The following TXNDC11 variants were observed in gnomAD, a reference collection of about 807,000 sequenced individuals.
TXNDC11 encodes thioredoxin domain-containing protein 11.
A neutral mutation model predicts 78.0 loss-of-function variants in TXNDC11; 68 were observed. The observed-to-expected ratio is 0.87, with a 90% CI of 0.72 to 1.07. The LOEUF is 1.07. Ranked by LOEUF, TXNDC11 falls within the 50% of genes least tolerant of loss-of-function variation. The pLI, the probability that TXNDC11 is intolerant of heterozygous loss-of-function variation, is 0.00. For synonymous variants in TXNDC11, 571 were observed against 495.2 expected (o/e 1.15, Z -2.03); for missense variants, 1,389 against 1,221.8 (o/e 1.14, Z -2.04).
Position 11,691,949 on chromosome 16 carries a change from T to A in TXNDC11, c.1241A>T (p.Asp414Val). Residue 414 changes from aspartate (D) to valine (V), a missense_variant, in exon 8 of 12, where the codon GAC (aspartate) becomes GTC (valine). Physicochemically the swap from Asp to Val is radical, Grantham distance 152. Transcript: ENST00000283033. ...GGGGGACGCTGTGATCGTTGGCGGG[T>A]CTGGCAGCTGTGCCGGCACTTCCAG... ...LALEVPAQLP[D>V]PPTITASPCC... 1 of 1,611,298 alleles carries A rather than the reference T, an allele frequency of 6.2e-7. No individual in the cohort carries two copies. Among genetic ancestry groups the A allele is most frequent in the South Asian group, 1.1e-5 (1 of 90,944 alleles).
intron 7 of TXNDC11, among the ~76,000 whole-genome samples, chr16:11,693,796 T>C (rs909859372): frequency 2.3e-4 from 35 of 152,132 alleles, no homozygotes; most frequent in Non-Finnish European, 8.8e-5. Flanking sequence ...ACTAACAAGG[T>C]CAAGCCTATA....
At chr16:11,728,994 A>G in intron 4 of TXNDC11, among the ~76,000 whole-genome samples, 1 of 151,410 alleles carries the variant, frequency 6.6e-6, no homozygotes, top group Non-Finnish European at 1.5e-5. Flanking sequence ...GAGTGAGACC[A>G]TCTCTAAATC....
intron 5 of TXNDC11, among the ~76,000 whole-genome samples, chr16:11,709,600 A>G (rs980653007): frequency 6.6e-6 from 1 of 151,164 alleles, no homozygotes; most frequent in Non-Finnish European, 1.5e-5. Context: ...ATGCCCGGCT[A>G]ATTTTTTTGT....
At chr16:11,697,002 C>A (rs1395287502) in intron 7 of TXNDC11, among the ~76,000 whole-genome samples, 1 of 152,160 alleles carries the variant, frequency 6.6e-6, no homozygotes, top group African/African-American at 2.4e-5. Flanking sequence ...ATATTAGATA[C>A]AGTAAAGGCC....
At chr16:11,709,432 T>A (rs970586363) in intron 5 of TXNDC11, among the ~76,000 whole-genome samples, 2 of 105,690 alleles carry the variant, frequency 1.9e-5, no homozygotes, top group South Asian at 4.4e-4. Flanking sequence ...TATTTTTTTT[T>A]TTTTTTTTTT....
At chr16:11,695,569 T>C (rs1486278276) in intron 7 of TXNDC11, among the ~76,000 whole-genome samples, 1 of 152,224 alleles carries the variant, frequency 6.6e-6, no homozygotes, top group Non-Finnish European at 1.5e-5. Context: ...GGCTTCTTCA[T>C]CTCTAGTCAC....
intron 8 of TXNDC11, chr16:11,691,074 C>G (rs1182619587): frequency 1.1e-5 from 6 of 562,198 alleles, no homozygotes; most frequent in Non-Finnish European, 1.9e-5. Flanking sequence ...AAATGACAAA[C>G]TTATCCAAAA....
At chr16:11,694,718 G>A (rs2050814303) in intron 7 of TXNDC11, among the ~76,000 whole-genome samples, 2 of 152,078 alleles carry the variant, frequency 1.3e-5, no homozygotes, top group South Asian at 2.1e-4. Context: ...CTCCCAAAGT[G>A]CTGGGATTAC....
chr16:11,711,238 G>A (rs995401897), intron 5 of TXNDC11, among the ~76,000 whole-genome samples: 1 of 152,202 alleles, frequency 6.6e-6, no homozygotes, highest in Non-Finnish European at 1.5e-5. Context: ...AGGGTGGAGT[G>A]AGTGAGCTCT....
intron 6 of TXNDC11, among the ~76,000 whole-genome samples, chr16:11,699,922 C>G (rs759154586): frequency 1.3e-5 from 2 of 152,212 alleles, no homozygotes; most frequent in Non-Finnish European, 2.9e-5. Flanking sequence ...GGCTGCTCCA[C>G]AGAAAGCAAA....
chr16:11,693,119 C>T (rs1237018372), intron 7 of TXNDC11, among the ~76,000 whole-genome samples: 3 of 152,180 alleles, frequency 2.0e-5, no homozygotes, highest in African/African-American at 7.2e-5. Context: ...ATCCTGCCAT[C>T]CCCGGGGCCT....
At chr16:11,729,139 AC>A (rs776166619) in intron 4 of TXNDC11, among the ~76,000 whole-genome samples, 17 of 152,150 alleles carry the variant, frequency 1.1e-4, no homozygotes, top group Admixed American at 6.5e-4. Flanking sequence ...GTCAAAACCC[AC>A]TTACCACAAC....
chr16:11,715,872 C>T (rs2051513370), intron 5 of TXNDC11, among the ~76,000 whole-genome samples: 1 of 152,094 alleles, frequency 6.6e-6, no homozygotes, highest in African/African-American at 2.4e-5. Flanking sequence ...GATTTTTTCA[C>T]TAGAATAGGT....
chr16:11,698,818 C>T (rs918277213), intron 6 of TXNDC11, among the ~76,000 whole-genome samples: 1 of 152,226 alleles, frequency 6.6e-6, no homozygotes, highest in Non-Finnish European at 1.5e-5. Context: ...TCACCTGTAT[C>T]CTCCGGGCCT....
At chr16:11,716,988 G>A (rs550515137) in intron 5 of TXNDC11, among the ~76,000 whole-genome samples, 5 of 151,922 alleles carry the variant, frequency 3.3e-5, no homozygotes, top group Non-Finnish European at 5.9e-5. Context: ...AAATGAGAGA[G>A]GGAAAAATCA....
At chr16:11,709,447 T>G (rs1336912969) in intron 5 of TXNDC11, among the ~76,000 whole-genome samples, 1 of 129,806 alleles carries the variant, frequency 7.7e-6, no homozygotes, top group African/African-American at 2.8e-5. Context: ...TTTTTTTTTT[T>G]TTTTTGAGAC....
At chr16:11,683,656 G>A (rs559903458) in intron 11 of TXNDC11, among the ~76,000 whole-genome samples, 71 of 152,204 alleles carry the variant, frequency 4.7e-4, no homozygotes, top group Non-Finnish European at 9.1e-4. Flanking sequence ...ATTCAAGCTC[G>A]GGTAAGAGAT....
intron 5 of TXNDC11, among the ~76,000 whole-genome samples, chr16:11,707,154 C>T (rs993574329): frequency 6.6e-5 from 10 of 152,022 alleles, no homozygotes; most frequent in Admixed American, 2.6e-4. Flanking sequence ...GGGCTGGATG[C>T]GGTGGCTCAC....
intron 4 of TXNDC11, among the ~76,000 whole-genome samples, chr16:11,726,305 G>A (rs1055997364): frequency 3.3e-5 from 5 of 152,078 alleles, no homozygotes; most frequent in South Asian, 2.1e-4. Flanking sequence ...CTCTTCGGCC[G>A]TGTGCGGTGC....
Sources: gnomAD v4.1 joint callset for allele counts (sites outside exome capture counted in the v4.1 genomes callset) on GRCh38, gnomAD v4.1.1 for gene constraint, MANE v1.5 for transcripts, NCBI Gene and HGNC (gene_info 2026-07-23, HGNC 2026-07-21) for gene names.